The following ZIC1 variants were observed in gnomAD, a reference collection of about 807,000 sequenced individuals.
The protein encoded by ZIC1 is zinc finger protein ZIC 1.
ZIC1 carries 4 observed loss-of-function variants against 30.9 expected under a neutral mutation model. The observed-to-expected ratio is 0.13, with a 90% CI of 0.06 to 0.30. ZIC1 has a LOEUF of 0.30. Among genes scored for constraint, ZIC1 ranks in the 10% least tolerant of loss-of-function variants. The pLI is 1.00. For missense variants in ZIC1, 441 were observed against 639.3 expected (o/e 0.69, Z 3.34); for synonymous variants, 305 against 277.5 (o/e 1.10, Z -0.98).
chr3:147,412,637 G>A lies in ZIC1; in HGVS notation c.1102G>A (p.Asp368Asn), dbSNP rs749729298. 7 of 1,614,076 alleles carry A rather than the reference G, an allele frequency of 4.3e-6. No individual in the cohort carries two copies. Among genetic ancestry groups the A allele is most frequent in the Non-Finnish European group, 5.9e-6 (7 of 1,180,058 alleles). ...SDKPYLCKMC[D>N]KSYTHPSSLR... ...CAAGCCCTATCTTTGCAAGATGTGCGACAAGTCCTACACGCATCCCAGTTC... is the reference window on the plus strand; with the variant it reads ...CAAGCCCTATCTTTGCAAGATGTGCAACAAGTCCTACACGCATCCCAGTTC... Residue 368 changes from aspartate to asparagine, a missense_variant, in exon 2 of 3, where the codon GAC becomes AAC. Asp to Asn is a conservative substitution (Grantham distance 23). This residue lies in a region of ZIC1 where 31 missense variants were observed against 65.2 expected (regional missense o/e 0.48). Coordinates refer to ENST00000282928, the MANE Select transcript of ZIC1 (RefSeq NM_003412.4).
chr3:147,413,416 C>A lies in ZIC1; in HGVS notation c.1209C>A (p.Ser403=), dbSNP rs1559971053. Reference sequence around the variant, plus strand: ...CGGCCGCCAGCTCTGGCTACGAATCCTCCACGCCTCCCACCATCGTGTCTC... The same window carrying A: ...CGGCCGCCAGCTCTGGCTACGAATCATCCACGCCTCCCACCATCGTGTCTC... ...PSPAASSGYE[S]STPPTIVSPS... The change falls in exon 3 of 3, where the codon TCC becomes TCA. Residue 403 remains serine, a synonymous_variant. Coordinates refer to ENST00000282928, the MANE Select transcript of ZIC1 (RefSeq NM_003412.4). 1 of 1,614,188 alleles carries A rather than the reference C, an allele frequency of 6.2e-7. No individual in the cohort carries two copies. The highest frequency in any genetic ancestry group is 8.5e-7 in the Non-Finnish European group (1 of 1,180,034).
At position 147,413,476 on chromosome 3, in the gene ZIC1, G is replaced by A. The variant is rs748925382; in HGVS notation, c.1269G>A (p.Ser423=). ...STDNPTTSSL[S]PSSSAVHHTA... Reference sequence around the variant, plus strand: ...ACAACCCGACCACAAGCTCCTTATCGCCCTCCTCCTCCGCAGTCCACCACA... The same window carrying A: ...ACAACCCGACCACAAGCTCCTTATCACCCTCCTCCTCCGCAGTCCACCACA... Residue 423 remains serine (S), a synonymous_variant, in exon 3 of 3, where the codon TCG becomes TCA. Transcript: ENST00000282928. 25 of 1,613,810 alleles carry A rather than the reference G, an allele frequency of 1.5e-5. No individual in the cohort carries two copies. In the Admixed American group the frequency reaches 4.2e-4, roughly 27 times the overall value.
At chr3:147,412,759 C>T in intron 2 of ZIC1, 78 bp downstream of exon 2, 1 of 1,539,900 alleles carries the variant, frequency 6.5e-7, no homozygotes, top group South Asian at 1.2e-5. Context: ...CGGCGAGTGG[C>T]AGACAGGCGG....
At chr3:147,411,200 G>A in intron 1 of ZIC1, 106 bp downstream of exon 1, 1 of 1,472,794 alleles carries the variant, frequency 6.8e-7, no homozygotes, top group Non-Finnish European at 9.0e-7. Context: ...GGGATCCCGG[G>A]CGTCAGGTTC....
At position 147,413,718 on chromosome 3, in the gene ZIC1, T is replaced by C. The variant is rs1458118073; in HGVS notation, c.*167T>C. 1 of 708,090 alleles carries C rather than the reference T, an allele frequency of 1.4e-6. No individual in the cohort carries two copies. The highest frequency in any genetic ancestry group is 2.1e-6 in the Non-Finnish European group (1 of 485,000). The allele number at this position is 708,090 out of a possible 1,614,324, so 43.9% of individuals were successfully genotyped here. ...CCCAGGACGAGTAAGAGAGGAAGCA[T>C]CAACCTTTTAAAAATTTCCTTTCGC... is the stretch of plus-strand genomic sequence containing the variant. On this transcript the variant is annotated 3_prime_UTR_variant, in exon 3 of 3. Coordinates refer to ENST00000282928, the MANE Select transcript of ZIC1 (RefSeq NM_003412.4).
chr3:147,409,720 T>C lies in ZIC1; in HGVS notation c.-393T>C, dbSNP rs1421294618. 4.9e-6 allele frequency: 1 copy of C among 205,594 alleles called. No individual in the cohort carries two copies. The highest frequency in any genetic ancestry group is 1.2e-4 in the East Asian group (1 of 8,620). 12.7% of individuals were successfully genotyped at this position (205,594 alleles called of 1,614,324 possible). Reference sequence around the variant, plus strand: ...CGGCACTGGCGCTCACATTCCTCTATGCTACAAATCCAGGAGGAAGTTTTT... The same window carrying C: ...CGGCACTGGCGCTCACATTCCTCTACGCTACAAATCCAGGAGGAAGTTTTT... On this transcript the variant is annotated 5_prime_UTR_variant, in exon 1 of 3. An upstream start codon of the reference 5' UTR is lost. Coordinates refer to ENST00000282928, the MANE Select transcript of ZIC1 (RefSeq NM_003412.4).
At chr3:147,411,145 C>A (rs899861671) in intron 1 of ZIC1, 51 bp downstream of exon 1, 3 of 1,553,082 alleles carry the variant, frequency 1.9e-6, no homozygotes, top group African/African-American at 1.4e-5. Context: ...GGCCTGGGAC[C>A]CAAACCGAAA....
In ZIC1 at chr3:147,414,013, T is replaced by C. The variant is rs1453993040; in HGVS notation, c.*462T>C. The C allele has an allele frequency of 2.0e-5, 1 of 49,606 alleles. No individual in the cohort carries two copies. The highest frequency in any genetic ancestry group is 3.7e-5 in the Non-Finnish European group (1 of 27,354). 3.1% of individuals were successfully genotyped at this position (49,606 alleles called of 1,614,324 possible). A position where few individuals can be genotyped will look rare whatever the true frequency, so the allele number is the denominator to read the frequency against. On this transcript the variant is annotated 3_prime_UTR_variant, in exon 3 of 3. Transcript: ENST00000282928. ...GGATTGTGGCGTTGTGGTCTTTGCA[T>C]TGGGGGAGGGGGGAGGGACCGGATG...
rs892347458 is a variant in ZIC1, at chr3:147,415,213, C to T, written c.*1662C>T. 1.3e-5 allele frequency: 2 copies of T among 152,616 alleles called. No homozygotes were observed. Among genetic ancestry groups the T allele is most frequent in the African/African-American group, 4.8e-5 (2 of 41,454 alleles). 9.5% of individuals were successfully genotyped at this position (152,616 alleles called of 1,614,324 possible). On this transcript the variant is annotated 3_prime_UTR_variant, in exon 3 of 3. Coordinates refer to ENST00000282928, the MANE Select transcript of ZIC1 (RefSeq NM_003412.4). The stretch of plus-strand genomic sequence containing the variant: ...ACTGTTATTAGTTCTCTCAAAAATA[C>T]ATCTAGGGAAGAGGATTATTTTAAG...
In ZIC1 at chr3:147,415,305, T is replaced by C. The variant is rs1320326840; in HGVS notation, c.*1754T>C. Reference sequence around the variant, plus strand: ...TACTTAAGAAATTCGTTCCATTGGTTGGCATTGATACAGTAAATTTGTAAA... The same window carrying C: ...TACTTAAGAAATTCGTTCCATTGGTCGGCATTGATACAGTAAATTTGTAAA... On this transcript the variant is annotated 3_prime_UTR_variant, in exon 3 of 3. Transcript: ENST00000282928. The C allele has an allele frequency of 7.2e-5, 11 of 152,694 alleles. No individual in the cohort carries two copies. Among genetic ancestry groups the C allele is most frequent in the Non-Finnish European group, 2.9e-5 (2 of 68,050 alleles). The allele number at this position is 152,694 out of a possible 1,614,324, so 9.5% of individuals were successfully genotyped here.
At chr3:147,413,280 C>CGCG in intron 2 of ZIC1, 74 bp from the exon 3 acceptor site, 1 of 1,515,640 alleles carries the variant, frequency 6.6e-7, no homozygotes, top group Non-Finnish European at 9.0e-7. Context: ...GAAGGGCACT[C>CGCG]GCGGCCTTCG....
At chr3:147,411,644 T>C (rs1402977472) in intron 1 of ZIC1, among the ~76,000 whole-genome samples, 4 of 152,150 alleles carry the variant, frequency 2.6e-5, no homozygotes, top group African/African-American at 9.7e-5. Context: ...TTTGGAGCTT[T>C]ATGCATATTT....
At chr3:147,411,211 C>G in intron 1 of ZIC1, 117 bp downstream of exon 1, 1 of 1,403,834 alleles carries the variant, frequency 7.1e-7, no homozygotes, top group Non-Finnish European at 9.5e-7. Context: ...CGTCAGGTTC[C>G]GGCAGGCAGG....
At position 147,412,789 on chromosome 3, in the gene ZIC1, C is replaced by T; in HGVS notation, c.1146+108C>T. On this transcript the variant is annotated intron_variant, in intron 2 of 2. Transcript: ENST00000282928. The stretch of plus-strand genomic sequence containing the variant: ...AGGCGGTGGCGGGAGCCAGAGGAAG[C>T]GGGAAGGCAAAGGTTCCACTCAGTG... The T allele has an allele frequency of 5.7e-6, 8 of 1,405,400 alleles. No individual in the cohort carries two copies. The South Asian group carries it at 1.1e-4, about 19-fold the overall frequency. The allele number at this position is 1,405,400 out of a possible 1,614,324, so 87.1% of individuals were successfully genotyped here.
chr3:147,412,300 G>C (rs2087388181), intron 1 of ZIC1, among the ~76,000 whole-genome samples: 1 of 152,182 alleles, frequency 6.6e-6, no homozygotes, highest in Non-Finnish European at 1.5e-5. Flanking sequence ...AAAATAAAAT[G>C]TAGATCCAAT....
chr3:147,411,409 C>T (rs754807887), intron 1 of ZIC1, among the ~76,000 whole-genome samples: 1 of 152,194 alleles, frequency 6.6e-6, no homozygotes, highest in African/African-American at 2.4e-5. Flanking sequence ...GAGAAAGTGG[C>T]TGGCTCCCGG....
rs2087431424 is a variant in ZIC1, at chr3:147,416,101, G to T, written c.*2550G>T. On this transcript the variant is annotated 3_prime_UTR_variant, in exon 3 of 3. Coordinates refer to ENST00000282928, the MANE Select transcript of ZIC1 (RefSeq NM_003412.4). ...GCTGCTAGCTCCAAAAATTTGCGAA[G>T]CAAAAGCTAGCCCCAATTGGTTTGG... The T allele has an allele frequency of 6.6e-6, 1 of 152,242 alleles. No homozygotes were observed. Among genetic ancestry groups the T allele is most frequent in the Non-Finnish European group, 1.5e-5 (1 of 68,046 alleles). 9.4% of individuals were successfully genotyped at this position (152,242 alleles called of 1,614,324 possible).
rs2087416004 is a variant in ZIC1 at position 147,414,514 on chromosome 3, A to G, written c.*963A>G. The G allele has an allele frequency of 6.6e-6, 1 of 152,666 alleles. No individual in the cohort carries two copies. The highest frequency in any genetic ancestry group is 2.1e-4 in the South Asian group (1 of 4,836). 9.5% of individuals were successfully genotyped at this position (152,666 alleles called of 1,614,324 possible). On this transcript the variant is annotated 3_prime_UTR_variant, in exon 3 of 3. Coordinates refer to ENST00000282928, the MANE Select transcript of ZIC1 (RefSeq NM_003412.4). ...AACTCGTATGTACACTTTAGTTTCC[A>G]GAACTGTTTGGTAACCTTTCGTACC...
chr3:147,410,827 A>C lies in ZIC1; in HGVS notation c.715A>C (p.Lys239Gln), dbSNP rs778730340. The C allele has an allele frequency of 1.9e-6, 3 of 1,614,208 alleles. No individual in the cohort carries two copies. Among genetic ancestry groups the C allele is most frequent in the South Asian group, 2.2e-5 (2 of 91,084 alleles). Reference protein sequence around the residue: ...WIEPEQLANPKKSCNKTFSTM... With the variant: ...WIEPEQLANPQKSCNKTFSTM... Reference sequence around the variant, plus strand: ...CGAGCCCGAGCAGCTGGCCAACCCCAAAAAGTCGTGCAACAAAACTTTCAG... The same window carrying C: ...CGAGCCCGAGCAGCTGGCCAACCCCCAAAAGTCGTGCAACAAAACTTTCAG... Residue 239 changes from lysine to glutamine, a missense_variant, in exon 1 of 3, where the codon AAA becomes CAA. Around this residue, in one of 5 missense-constraint regions of ZIC1, gnomAD observed 307 missense variants for 355.3 expected, o/e 0.86. Coordinates refer to ENST00000282928, the MANE Select transcript of ZIC1 (RefSeq NM_003412.4).
Sources: allele counts gnomAD v4.1 joint callset (sites outside exome capture counted in the v4.1 genomes callset), GRCh38; gene constraint gnomAD v4.1.1; regional missense constraint gnomAD v4.1.1; transcripts MANE v1.5; gene names NCBI Gene and HGNC (gene_info 2026-07-23, HGNC 2026-07-21).